Variants in OR4D1 observed in about 807,000 individuals in gnomAD.
The protein encoded by OR4D1 is olfactory receptor 4D1.
OR4D1 carries 10 observed loss-of-function variants against 14.2 expected under a neutral mutation model. The observed-to-expected ratio is 0.71, with a 90% CI of 0.44 to 1.20. The LOEUF is 1.20. OR4D1 is among the 50% of genes most tolerant of loss of function. The probability of loss-of-function intolerance (pLI) is 0.00; values close to 1 mark genes in which losing one functional copy is unlikely to be tolerated. For missense variants in OR4D1, 345 were observed against 376.6 expected, an observed-to-expected ratio of 0.92 and a Z score of 0.70; for synonymous variants, 141 against 147.4, an observed-to-expected ratio of 0.96 and a Z score of 0.32.
At chr17:58,153,475 A>G (rs1302125481) in intron 2 of OR4D1, among the ~76,000 whole-genome samples, 1 of 152,206 alleles carries the variant, frequency 6.6e-6, no homozygotes, top group Non-Finnish European at 1.5e-5. Flanking sequence ...GAATAATATG[A>G]CAATATTTTG....
intron 3 of OR4D1, among the ~76,000 whole-genome samples, chr17:58,154,836 T>C (rs1371719376): frequency 2.0e-5 from 3 of 152,328 alleles, no homozygotes; most frequent in South Asian, 2.1e-4. Context: ...CAAGGCACTA[T>C]GTTGGGCATA....
intron 2 of OR4D1, among the ~76,000 whole-genome samples, chr17:58,151,228 G>T (rs1967698957): frequency 6.6e-6 from 1 of 152,018 alleles, no homozygotes; most frequent in South Asian, 2.1e-4. Context: ...GTCTATATTT[G>T]TCTGTAAAGG....
At chr17:58,154,416 G>A (rs2143659827) in intron 3 of OR4D1, among the ~76,000 whole-genome samples, 1 of 152,270 alleles carries the variant, frequency 6.6e-6, no homozygotes, top group Middle Eastern at 3.4e-3. Flanking sequence ...AAACATGAGA[G>A]TTCAAGGAGA....
chr17:58,149,020 A>T (rs1255604076), intron 1 of OR4D1, among the ~76,000 whole-genome samples: 1 of 152,076 alleles, frequency 6.6e-6, no homozygotes, highest in East Asian at 1.9e-4. Flanking sequence ...TGCTCCCTGG[A>T]TGACAACAGA....
At chr17:58,150,822 T>C (rs1967693569) in intron 2 of OR4D1, among the ~76,000 whole-genome samples, 1 of 152,156 alleles carries the variant, frequency 6.6e-6, no homozygotes, top group African/African-American at 2.4e-5. Context: ...TTCCTCAGTG[T>C]TCTGAGGTTT....
At position 58,155,393 on chromosome 17, in the gene OR4D1, G is replaced by A. The variant is rs572970442; in HGVS notation, c.240G>A (p.Lys80=). The A allele has an allele frequency of 1.2e-6, 2 of 1,614,160 alleles. No individual in the cohort carries two copies. Among genetic ancestry groups the A allele is most frequent in the South Asian group, 2.2e-5 (2 of 91,072 alleles). ...GCTATTCCACAGTCACCTCTCCAAA[G>A]ATGCTGGTGGACTTCCTCCATGAGA... The part of the protein sequence containing the change: ...DLCYSTVTSP[K]MLVDFLHETK... The change falls in exon 4 of 4, where the codon AAG becomes AAA. Residue 80 remains lysine, a synonymous_variant. Coordinates refer to ENST00000268912, the MANE Select transcript of OR4D1 (RefSeq NM_001386095.1).
intron 3 of OR4D1, among the ~76,000 whole-genome samples, chr17:58,154,266 CTTTT>C (rs3030795): frequency 1.5e-5 from 2 of 137,408 alleles, no homozygotes; most frequent in African/African-American, 2.7e-5. Flanking sequence ...AGCCAACCCT[CTTTT>C]TTTTTTTTTT....
At position 58,157,390 on chromosome 17, in the gene OR4D1, C is replaced by T; in HGVS notation, c.*1304C>T. ...ATTCGCCGCCGCCAAGACACGTGAG[C>T]CCTACCACCTGCACCCTGAGAAAAC... On this transcript the variant is annotated 3_prime_UTR_variant, in exon 4 of 4. Coordinates refer to ENST00000268912, the MANE Select transcript of OR4D1 (RefSeq NM_001386095.1). 8.1e-7 allele frequency: 1 copy of T among 1,231,080 alleles called. No individual in the cohort carries two copies. The highest frequency in any genetic ancestry group is 1.2e-6 in the Non-Finnish European group (1 of 854,762). The allele number at this position is 1,231,080 out of a possible 1,614,324, so 76.3% of individuals were successfully genotyped here.
intron 2 of OR4D1, among the ~76,000 whole-genome samples, chr17:58,150,001 A>T (rs1162846716): frequency 6.6e-6 from 1 of 152,232 alleles, no homozygotes; most frequent in Non-Finnish European, 1.5e-5. Flanking sequence ...GAATTAAAAA[A>T]GATAATGCCA....
At chr17:58,153,767 A>G (rs1236811864) in intron 2 of OR4D1, among the ~76,000 whole-genome samples, 90 bp from the exon 3 acceptor site, 1 of 152,212 alleles carries the variant, frequency 6.6e-6, no homozygotes, top group African/African-American at 2.4e-5. Flanking sequence ...CCAAGAACTC[A>G]GTTTATTTTT....
intron 2 of OR4D1, among the ~76,000 whole-genome samples, chr17:58,153,457 T>G (rs117961194): frequency 1.9e-3 from 286 of 152,368 alleles, no homozygotes; most frequent in Non-Finnish European, 3.3e-3. Flanking sequence ...ATGTGAATTT[T>G]ATGTGAAGAA....
In OR4D1 at chr17:58,159,359, G is replaced by T. The variant is rs1333995543; in HGVS notation, c.*3273G>T. On this transcript the variant is annotated 3_prime_UTR_variant, in exon 4 of 4. Transcript: ENST00000268912. ...ATGAGGATTCCTCCCTTATTAATGGGATTAAGGCCTTTATAAAAGAGACTT... is the reference window on the plus strand; with the variant it reads ...ATGAGGATTCCTCCCTTATTAATGGTATTAAGGCCTTTATAAAAGAGACTT... 6.6e-6 allele frequency: 1 copy of T among 152,206 alleles called. No homozygotes were observed. Among genetic ancestry groups the T allele is most frequent in the East Asian group, 1.9e-4 (1 of 5,200 alleles). 9.4% of individuals were successfully genotyped at this position (152,206 alleles called of 1,614,324 possible).
intron 1 of OR4D1, among the ~76,000 whole-genome samples, chr17:58,149,136 T>C (rs1276051822): frequency 6.6e-6 from 1 of 152,120 alleles, no homozygotes; most frequent in Non-Finnish European, 1.5e-5. Context: ...GGAGAGAAGA[T>C]TGAGTAACAA....
In OR4D1 at chr17:58,157,640, C is replaced by T; in HGVS notation, c.*1554C>T. On this transcript the variant is annotated 3_prime_UTR_variant, in exon 4 of 4. Transcript: ENST00000268912. ...GGAAAAGCTGAAAATGGCTGCAAAACCTATGCTACCCTCCAGCTTCAGTCT... is the reference window on the plus strand; with the variant it reads ...GGAAAAGCTGAAAATGGCTGCAAAATCTATGCTACCCTCCAGCTTCAGTCT... The T allele has an allele frequency of 6.2e-7, 1 of 1,613,824 alleles. No homozygotes were observed. The highest frequency in any genetic ancestry group is 8.5e-7 in the Non-Finnish European group (1 of 1,179,858).
chr17:58,157,577 C>G lies in OR4D1; in HGVS notation c.*1491C>G. ...TCAGGTCAAAATCTTGTTCCAGAAC[C>G]GAAGGGCCAAGACGAAAAGACTGCA... On this transcript the variant is annotated 3_prime_UTR_variant, in exon 4 of 4. Coordinates refer to ENST00000268912, the MANE Select transcript of OR4D1 (RefSeq NM_001386095.1). 1 of 1,599,528 alleles carries G rather than the reference C, an allele frequency of 6.3e-7. No individual in the cohort carries two copies. Among genetic ancestry groups the G allele is most frequent in the Non-Finnish European group, 8.6e-7 (1 of 1,167,012 alleles).
At position 58,157,362 on chromosome 17, in the gene OR4D1, A is replaced by G; in HGVS notation, c.*1276A>G. The G allele has an allele frequency of 7.2e-7, 1 of 1,395,252 alleles. No homozygotes were observed. Among genetic ancestry groups the G allele is most frequent in the South Asian group, 1.3e-5 (1 of 76,776 alleles). The allele number at this position is 1,395,252 out of a possible 1,614,324, so 86.4% of individuals were successfully genotyped here. A position where few individuals can be genotyped will look rare whatever the true frequency, so the allele number is the denominator to read the frequency against. ...CGGCGTGGATGCAGGAACCCTGCTGATAATTCGCCGCCGCCAAGACACGTG... is the reference window on the plus strand; with the variant it reads ...CGGCGTGGATGCAGGAACCCTGCTGGTAATTCGCCGCCGCCAAGACACGTG... On this transcript the variant is annotated 3_prime_UTR_variant, in exon 4 of 4. Coordinates refer to ENST00000268912, the MANE Select transcript of OR4D1 (RefSeq NM_001386095.1).
In OR4D1 at chr17:58,157,103, G is replaced by A; in HGVS notation, c.*1017G>A. ...GGCCTGGGGACGCCGAGGCGGCCGC[G>A]GAGGAGCGCCGCGTCAAGGTCTCCA... On this transcript the variant is annotated 3_prime_UTR_variant, in exon 4 of 4. Coordinates refer to ENST00000268912, the MANE Select transcript of OR4D1 (RefSeq NM_001386095.1). The A allele has an allele frequency of 6.8e-7, 1 of 1,465,160 alleles. No homozygotes were observed. The highest frequency in any genetic ancestry group is 9.1e-7 in the Non-Finnish European group (1 of 1,101,378). 90.8% of individuals were successfully genotyped at this position (1,465,160 alleles called of 1,614,324 possible). A position where few individuals can be genotyped will look rare whatever the true frequency, so the allele number is the denominator to read the frequency against.
At position 58,155,390 on chromosome 17, in the gene OR4D1, A is replaced by G; in HGVS notation, c.237A>G (p.Pro79=). 6.2e-7 allele frequency: 1 copy of G among 1,614,116 alleles called. No individual in the cohort carries two copies. The highest frequency in any genetic ancestry group is 8.5e-7 in the Non-Finnish European group (1 of 1,180,006). ...IDLCYSTVTS[P]KMLVDFLHET... ...TCTGCTATTCCACAGTCACCTCTCC[A>G]AAGATGCTGGTGGACTTCCTCCATG... The change falls in exon 4 of 4, where the codon CCA becomes CCG. Residue 79 remains proline, a synonymous_variant. Transcript: ENST00000268912.
At chr17:58,152,350 T>C (rs2143657663) in intron 2 of OR4D1, among the ~76,000 whole-genome samples, 1 of 152,322 alleles carries the variant, frequency 6.6e-6, no homozygotes, top group South Asian at 2.1e-4. Context: ...GATTTATACA[T>C]AGTTCATTCA....
Sources: gnomAD v4.1 joint callset for allele counts (sites outside exome capture counted in the v4.1 genomes callset) on GRCh38, gnomAD v4.1.1 for gene constraint, MANE v1.5 for transcripts, NCBI Gene and HGNC (gene_info 2026-07-23, HGNC 2026-07-21) for gene names.